Variants in ATP9A observed in about 807,000 individuals in gnomAD.
ATP9A encodes ATPase phospholipid transporting 9A.
ATP9A carries 52 observed loss-of-function variants against 144.1 expected under a neutral mutation model. The observed-to-expected ratio is 0.36, with a 90% CI of 0.29 to 0.45. The LOEUF (loss-of-function observed/expected upper bound fraction) is 0.45. Among genes scored for constraint, ATP9A ranks in the 20% least tolerant of loss-of-function variants. The probability of loss-of-function intolerance (pLI) is 1.00; values close to 1 mark genes in which losing one functional copy is unlikely to be tolerated. For missense variants in ATP9A, 947 were observed against 1,392.7 expected (o/e 0.68, Z 5.09); for synonymous variants, 582 against 557.4 (o/e 1.04, Z -0.62).
chr20:51,763,898 G>A (rs925840984), intron 1 of ATP9A, among the ~76,000 whole-genome samples: 5 of 152,078 alleles, frequency 3.3e-5, no homozygotes, highest in African/African-American at 1.2e-4. Context: ...GACATACCTG[G>A]ACAGAATGCT....
At chr20:51,652,083 C>T (rs1251286505) in intron 14 of ATP9A, among the ~76,000 whole-genome samples, 1 of 152,258 alleles carries the variant, frequency 6.6e-6, no homozygotes, top group South Asian at 2.1e-4. Flanking sequence ...ATCACCAAGG[C>T]CCCCACTGCC....
intron 15 of ATP9A, among the ~76,000 whole-genome samples, chr20:51,635,784 G>A (rs6126274): frequency 2.2e-5 from 3 of 136,442 alleles, no homozygotes; most frequent in East Asian, 2.2e-4. Context: ...AGAAAAGGAA[G>A]GAAACAGAGG....
chr20:51,661,776 C>A (rs2077411781), intron 13 of ATP9A, among the ~76,000 whole-genome samples: 1 of 138,322 alleles, frequency 7.2e-6, no homozygotes, highest in Non-Finnish European at 1.6e-5. Context: ...AAAGGGCCAC[C>A]ATCAAAGAGA....
chr20:51,647,278 G>C (rs1462220456), intron 14 of ATP9A, among the ~76,000 whole-genome samples: 7 of 152,138 alleles, frequency 4.6e-5, no homozygotes, highest in Non-Finnish European at 1.0e-4. Flanking sequence ...ACCGGGCACG[G>C]TGGCTCATGC....
At chr20:51,712,058 T>C (rs2077641255) in intron 4 of ATP9A, among the ~76,000 whole-genome samples, 1 of 148,344 alleles carries the variant, frequency 6.7e-6, no homozygotes, top group Non-Finnish European at 1.5e-5. Context: ...GTTTCCACCA[T>C]GTTGGCCAGG....
intron 1 of ATP9A, among the ~76,000 whole-genome samples, chr20:51,744,876 T>C (rs1411864801): frequency 6.6e-6 from 1 of 152,204 alleles, no homozygotes; most frequent in African/African-American, 2.4e-5. Context: ...ATGCCTGTAA[T>C]CCCAGTACTT....
rs552729718 is a variant in ATP9A, at chr20:51,693,930, C to T, written c.642+78G>A. Reference sequence around the variant, plus strand: ...CACTTCACAAGTTGCCATCCCATGCCTGGCCCCCCAGGTATGAGTTTGAGA... The same window carrying T: ...CACTTCACAAGTTGCCATCCCATGCTTGGCCCCCCAGGTATGAGTTTGAGA... On this transcript the variant is annotated intron_variant, in intron 7 of 27. Transcript: ENST00000338821. 3.2e-6 allele frequency: 4 copies of T among 1,243,176 alleles called. No individual in the cohort carries two copies. The Admixed American group carries it at 6.4e-5, about 20-fold the overall frequency. 77.0% of individuals were successfully genotyped at this position (1,243,176 alleles called of 1,614,324 possible).
intron 9 of ATP9A, among the ~76,000 whole-genome samples, chr20:51,676,482 GTTTGT>G (rs1415932720): frequency 6.6e-6 from 1 of 151,858 alleles, no homozygotes; most frequent in African/African-American, 2.4e-5. Context: ...TAACTTTTGG[GTTTGT>G]TTTGTTTTGA....
rs115053675 is a variant in ATP9A, at chr20:51,633,625, A to T, written c.1669-4553T>A. The stretch of plus-strand genomic sequence containing the variant: ...GCTGGGTGTGGCAGTGCATACCTGT[A>T]GTCCCAGCTACTTAAGAGGCAGAGG... On this transcript the variant is annotated intron_variant, in intron 15 of 27. Transcript: ENST00000338821. Among the ~76,000 whole-genome samples the T allele has an allele frequency of 6.4e-3, 967 of 152,234 alleles. 7 individuals are homozygous for T. The highest frequency in any genetic ancestry group is 0.022 in the African/African-American group (895 of 41,532).
chr20:51,686,926 CTTT>C (rs11086353), intron 9 of ATP9A, among the ~76,000 whole-genome samples: 2 of 142,610 alleles, frequency 1.4e-5, no homozygotes, highest in African/African-American at 2.6e-5. Flanking sequence ...CAGAGGGACT[CTTT>C]TTTTTTTTTT....
chr20:51,759,233 C>A (rs2122917131), intron 1 of ATP9A, among the ~76,000 whole-genome samples: 1 of 152,354 alleles, frequency 6.6e-6, no homozygotes, highest in African/African-American at 2.4e-5. Context: ...CAACTCTCTC[C>A]TCCAGCCCAG....
chr20:51,620,191 T>C (rs1453003357), intron 19 of ATP9A, among the ~76,000 whole-genome samples: 13 of 152,258 alleles, frequency 8.5e-5, no homozygotes, highest in Non-Finnish European at 1.8e-4. Context: ...GCTCTGCCGT[T>C]GTAATCCAAA....
intron 13 of ATP9A, among the ~76,000 whole-genome samples, chr20:51,658,718 C>T (rs928769290): frequency 7.9e-5 from 12 of 151,650 alleles, no homozygotes; most frequent in Admixed American, 1.3e-4. Flanking sequence ...TGGGGTTTCA[C>T]CATGTTGGCC....
At chr20:51,602,281 G>GCC (rs1189558797) in intron 27 of ATP9A, among the ~76,000 whole-genome samples, 1 of 152,180 alleles carries the variant, frequency 6.6e-6, no homozygotes, top group Non-Finnish European at 1.5e-5. Context: ...GCCAGAATAA[G>GCC]CCCCTTCTCC....
intron 11 of ATP9A, among the ~76,000 whole-genome samples, 174 bp from the exon 12 acceptor site, chr20:51,671,431 T>TCA (rs2077455588): frequency 1.3e-5 from 2 of 151,886 alleles, no homozygotes; most frequent in Admixed American, 1.3e-4. Flanking sequence ...CACCGTCAAG[T>TCA]CACACACGGA....
chr20:51,706,649 C>G (rs1427503526), intron 4 of ATP9A, among the ~76,000 whole-genome samples: 1 of 152,166 alleles, frequency 6.6e-6, no homozygotes, highest in Non-Finnish European at 1.5e-5. Context: ...ACTTGGGAGG[C>G]TGAGGTGGGA....
chr20:51,670,373 G>C (rs572457900), intron 12 of ATP9A, among the ~76,000 whole-genome samples: 1 of 152,288 alleles, frequency 6.6e-6, no homozygotes, highest in Admixed American at 6.5e-5. Flanking sequence ...TCAATCAGGG[G>C]CCTGGCCCAT....
rs777637940 is a variant in ATP9A at position 51,601,160 on chromosome 20, T to C, written c.*51A>G. 6.5e-7 allele frequency: 1 copy of C among 1,528,220 alleles called. No individual in the cohort carries two copies. Among genetic ancestry groups the C allele is most frequent in the Non-Finnish European group, 8.8e-7 (1 of 1,138,026 alleles). The allele number at this position is 1,528,220 out of a possible 1,614,324, so 94.7% of individuals were successfully genotyped here. A position where few individuals can be genotyped will look rare whatever the true frequency, so the allele number is the denominator to read the frequency against. ...GTTAATATAAATGGAACTTGAGCTCTGTCCATCAGGGAAGCGCCAAGACCA... is the reference window on the plus strand; with the variant it reads ...GTTAATATAAATGGAACTTGAGCTCCGTCCATCAGGGAAGCGCCAAGACCA... On this transcript the variant is annotated 3_prime_UTR_variant, in exon 28 of 28. Transcript: ENST00000338821.
At chr20:51,613,919 A>G in intron 22 of ATP9A, 87 bp from the exon 23 acceptor site, 4 of 1,382,608 alleles carry the variant, frequency 2.9e-6, no homozygotes, top group Non-Finnish European at 3.9e-6. Context: ...AAGACATTGT[A>G]GGAAATCTTT....
Sources: gnomAD v4.1 joint callset for allele counts (sites outside exome capture counted in the v4.1 genomes callset) on GRCh38, gnomAD v4.1.1 for gene constraint, MANE v1.5 for transcripts, NCBI Gene and HGNC (gene_info 2026-07-23, HGNC 2026-07-21) for gene names.